ZNF124: variants seen among roughly 807,000 people sequenced by gnomAD.
ZNF124 encodes the protein zinc finger protein 124, also known as zinc finger protein HZF-16.
A neutral mutation model predicts 26.6 loss-of-function variants in ZNF124; 25 were observed. The ratio of observed to expected loss-of-function variants is 0.94; its 90% CI spans 0.68 to 1.31. The LOEUF is 1.31. Among genes scored for constraint, ZNF124 ranks in the 40% most tolerant of loss-of-function variants. ZNF124 has a pLI of 0.00. For missense variants in ZNF124, 444 were observed against 422.2 expected, an observed-to-expected ratio of 1.05 and a Z score of -0.45; for synonymous variants, 129 against 133.3, an observed-to-expected ratio of 0.97 and a Z score of 0.22.
intron 3 of ZNF124, among the ~76,000 whole-genome samples, chr1:247,131,301 T>C (rs1436905852): frequency 1.3e-5 from 2 of 152,100 alleles, no homozygotes; most frequent in Admixed American, 6.5e-5. Context: ...CATGGAGCTG[T>C]GCAACCCACG....
intron 3 of ZNF124, among the ~76,000 whole-genome samples, chr1:247,137,542 A>G (rs1262439929): frequency 6.6e-6 from 1 of 151,158 alleles, no homozygotes; most frequent in African/African-American, 2.4e-5. Flanking sequence ...CACTCAGGAC[A>G]TAGGCGTGGG....
At position 247,168,537 on chromosome 1, in the gene ZNF124, T is replaced by A. The variant is rs1438838147; in HGVS notation, c.30+3311A>T. Among the ~76,000 whole-genome samples, 1 of 151,044 alleles carries A rather than the reference T, an allele frequency of 6.6e-6. No individual in the cohort carries two copies. Reference sequence around the variant, plus strand: ...TAACAGAGTGAGACTCTGTCTCAATTAAAAAACAAACAAACAAAAACACTT... The same window carrying A: ...TAACAGAGTGAGACTCTGTCTCAATAAAAAAACAAACAAACAAAAACACTT... On this transcript the variant is annotated intron_variant, in intron 1 of 3. Coordinates refer to ENST00000543802, the MANE Select transcript of ZNF124 (RefSeq NM_001297568.2). This position sits in a 1 kb window ranked among gnomAD's most constrained non-coding sequence, Gnocchi z 4.0.
intron 3 of ZNF124, among the ~76,000 whole-genome samples, chr1:247,131,044 C>T (rs1672349060): frequency 1.3e-5 from 2 of 152,202 alleles, no homozygotes; most frequent in South Asian, 4.1e-4. Flanking sequence ...CCATTGCACC[C>T]CAACCTGGGC....
chr1:247,137,065 A>G lies in ZNF124; in HGVS notation c.219-13194T>C, dbSNP rs527372110. Reference sequence around the variant, plus strand: ...TGACTTCAAACTATACTACAAGGCTACAGCAGCCAAAATAGCATGCTACTG... The same window carrying G: ...TGACTTCAAACTATACTACAAGGCTGCAGCAGCCAAAATAGCATGCTACTG... On this transcript the variant is annotated intron_variant, in intron 3 of 3. Transcript: ENST00000472531. Among the ~76,000 whole-genome samples, 46 of 152,242 alleles carry G rather than the reference A, an allele frequency of 3.0e-4. 1 individual carries two copies. Among genetic ancestry groups the G allele is most frequent in the African/African-American group, 1.0e-3 (42 of 41,546 alleles).
At chr1:247,158,977 G>T in intron 3 of ZNF124, 29 bp downstream of exon 3, 1 of 1,599,766 alleles carries the variant, frequency 6.3e-7, no homozygotes, top group Non-Finnish European at 8.5e-7. Context: ...CCCCAAGGGG[G>T]ACTGCTTCCT....
At chr1:247,161,775 T>C (rs1049431505) in intron 1 of ZNF124, among the ~76,000 whole-genome samples, 7 of 151,670 alleles carry the variant, frequency 4.6e-5, no homozygotes, top group South Asian at 2.1e-4. Context: ...TAATAGTAAA[T>C]AATAGTCCAC....
downstream of ZNF124, among the ~76,000 whole-genome samples, chr1:247,151,411 G>A (rs535269719): frequency 6.6e-6 from 1 of 151,042 alleles, no homozygotes; most frequent in East Asian, 1.9e-4. Flanking sequence ...CTCGGGAGGC[G>A]GAGCTTGCAG....
intron 3 of ZNF124, among the ~76,000 whole-genome samples, chr1:247,138,960 A>G (rs1233412210): frequency 2.0e-5 from 3 of 152,234 alleles, no homozygotes; most frequent in Non-Finnish European, 2.9e-5. Flanking sequence ...CAGAAACTCA[A>G]AAGAATGCAA....
At chr1:247,162,381 C>T (rs1033228073) in intron 1 of ZNF124, among the ~76,000 whole-genome samples, 4 of 152,006 alleles carry the variant, frequency 2.6e-5, no homozygotes, top group Non-Finnish European at 4.4e-5. Context: ...CATGCAATGA[C>T]GCCCACACAT....
Position 247,128,868 on chromosome 1 carries a change from G to A in ZNF124, c.219-4997C>T. Among the ~76,000 whole-genome samples, 2 of 145,060 alleles carry A rather than the reference G, an allele frequency of 1.4e-5. 1 individual carries two copies. Among genetic ancestry groups the A allele is most frequent in the Non-Finnish European group, 3.1e-5 (2 of 65,040 alleles). On this transcript the variant is annotated intron_variant, in intron 3 of 3. Coordinates refer to the ZNF124 transcript ENST00000472531. ...TTTTCTGGGGGAGGGTGGGCATTGA[G>A]TACTTCCCCCAGCAGGATGGGGTGG... is the stretch of plus-strand genomic sequence containing the variant.
chr1:247,130,953 G>A (rs1672343486), intron 3 of ZNF124, among the ~76,000 whole-genome samples: 1 of 152,170 alleles, frequency 6.6e-6, no homozygotes, highest in Non-Finnish European at 1.5e-5. Flanking sequence ...GCGTATGCCT[G>A]TAATCCCAGC....
At chr1:247,133,639 C>G (rs1672418639) in intron 3 of ZNF124, among the ~76,000 whole-genome samples, 1 of 148,152 alleles carries the variant, frequency 6.7e-6, no homozygotes, top group South Asian at 2.1e-4. Context: ...AATATTCAAT[C>G]AATATTCAAT....
intron 3 of ZNF124, among the ~76,000 whole-genome samples, chr1:247,145,445 G>GTCGGTGAAGTCAT (rs1459440835): frequency 6.6e-6 from 1 of 152,090 alleles, no homozygotes; most frequent in Non-Finnish European, 1.5e-5. Context: ...GAGTCAAAAG[G>GTCGGTGAAGTCAT]TCGGTGAAGT....
intron 3 of ZNF124, among the ~76,000 whole-genome samples, chr1:247,144,272 T>C (rs563913590): frequency 1.3e-5 from 2 of 152,308 alleles, no homozygotes; most frequent in East Asian, 3.9e-4. Context: ...GAATTTCACC[T>C]TTATTCTGGT....
At chr1:247,128,570 G>C (rs1408902334) in intron 3 of ZNF124, among the ~76,000 whole-genome samples, 6 of 150,156 alleles carry the variant, frequency 4.0e-5, no homozygotes, top group African/African-American at 1.5e-4. Flanking sequence ...GAGTCTCCTG[G>C]GATACTCTTC....
At chr1:247,144,606 A>G (rs1672713804) in intron 3 of ZNF124, among the ~76,000 whole-genome samples, 1 of 152,278 alleles carries the variant, frequency 6.6e-6, no homozygotes, top group South Asian at 2.1e-4. Flanking sequence ...GCTCCTGTCA[A>G]GCTGAATCCT....
chr1:247,130,067 G>A (rs898589328), intron 3 of ZNF124, among the ~76,000 whole-genome samples: 21 of 152,256 alleles, frequency 1.4e-4, no homozygotes, highest in Admixed American at 1.2e-3. Context: ...GTCCGTGCTC[G>A]TCAGTACTGC....
At chr1:247,153,664 G>C (rs1673010667), downstream of ZNF124, among the ~76,000 whole-genome samples, 1 of 152,294 alleles carries the variant, frequency 6.6e-6, no homozygotes, top group South Asian at 2.1e-4. Context: ...GTGATTAAGG[G>C]AAAGAGTTCA....
Position 247,131,710 on chromosome 1 carries a change from T to C in ZNF124, c.219-7839A>G, listed in dbSNP as rs546413456. On this transcript the variant is annotated intron_variant, in intron 3 of 3. Coordinates refer to the ZNF124 transcript ENST00000472531. ...CTCTTCAGGCCTAATCCCTTCTTCA[T>C]TGGGTGGGGCTTCCCTGGAGGGTCT... Among the ~76,000 whole-genome samples the C allele has an allele frequency of 7.9e-5, 12 of 152,230 alleles. 1 individual carries two copies. Among genetic ancestry groups the C allele is most frequent in the East Asian group, 5.8e-4 (3 of 5,168 alleles).
Sources: allele counts gnomAD v4.1 joint callset (sites outside exome capture counted in the v4.1 genomes callset), GRCh38; gene constraint gnomAD v4.1.1; non-coding constraint Gnocchi (gnomAD v3.1); transcripts MANE v1.5; gene names NCBI Gene and HGNC (gene_info 2026-07-23, HGNC 2026-07-21).